PER2: variants seen among roughly 807,000 people sequenced by gnomAD.
PER2 encodes the protein period circadian regulator 2, also known as period circadian protein homolog 2.
In PER2, 66 loss-of-function variants were observed where a neutral mutation model predicts 121.0. The observed-to-expected ratio is 0.55, with a 90% CI of 0.45 to 0.67. The LOEUF (loss-of-function observed/expected upper bound fraction) is 0.67. Ranked by LOEUF, PER2 falls within the 30% of genes least tolerant of loss-of-function variation. The pLI, the probability that PER2 is intolerant of heterozygous loss-of-function variation, is 0.00. For missense variants in PER2, 1,521 were observed against 1,635.0 expected (o/e 0.93, Z 1.20); for synonymous variants, 684 against 659.9 (o/e 1.04, Z -0.56).
At chr2:238,293,678 T>C (rs1209960950), upstream of PER2, among the ~76,000 whole-genome samples, 2 of 147,882 alleles carry the variant, frequency 1.4e-5, no homozygotes, top group Non-Finnish European at 3.0e-5. Flanking sequence ...GAGGCTGCAG[T>C]GAGCCAAGAT....
intron 22 of PER2, among the ~76,000 whole-genome samples, chr2:238,247,048 G>A (rs1259418979): frequency 6.6e-6 from 1 of 152,190 alleles, no homozygotes; most frequent in Non-Finnish European, 1.5e-5. Context: ...GGACATCTGT[G>A]ATTTTCAACT....
intron 5 of PER2, among the ~76,000 whole-genome samples, chr2:238,272,629 G>T (rs890986955): frequency 3.3e-5 from 5 of 152,356 alleles, no homozygotes; most frequent in Middle Eastern, 3.4e-3. Flanking sequence ...TGTGTATGTG[G>T]CCCATGTGCC....
chr2:238,297,573 G>GAAGAT, the PER2 span, among the ~76,000 whole-genome samples: 2 of 152,226 alleles, frequency 1.3e-5, no homozygotes, highest in African/African-American at 4.8e-5. Flanking sequence ...CAAACCACAG[G>GAAGAT]AAGATGAGGA....
intron 21 of PER2, among the ~76,000 whole-genome samples, chr2:238,250,092 G>A (rs1431420482): frequency 6.6e-6 from 1 of 152,246 alleles, no homozygotes; most frequent in Non-Finnish European, 1.5e-5. Context: ...GCAGCCTGAT[G>A]TGGACACAGA....
At chr2:238,275,631 T>G in intron 4 of PER2, 112 bp downstream of exon 4, 126 of 1,178,560 alleles carry the variant, frequency 1.1e-4, no homozygotes, top group Middle Eastern at 2.8e-4. Flanking sequence ...AAGGCTGCAG[T>G]GAGCTGCGAT....
At chr2:238,251,274 C>T (rs557814723) in intron 20 of PER2, among the ~76,000 whole-genome samples, 1 of 152,272 alleles carries the variant, frequency 6.6e-6, no homozygotes, top group South Asian at 2.1e-4. Flanking sequence ...TGCTCCATAC[C>T]CTCAGTTCAC....
intron 14 of PER2, among the ~76,000 whole-genome samples, chr2:238,259,428 A>G (rs1695859375): frequency 6.6e-6 from 1 of 152,188 alleles, no homozygotes; most frequent in Admixed American, 6.5e-5. Context: ...CTGCCTGGGA[A>G]GTGTGGCGCT....
chr2:238,282,730 C>A (rs1696667686), intron 1 of PER2, among the ~76,000 whole-genome samples: 1 of 151,990 alleles, frequency 6.6e-6, no homozygotes, highest in African/African-American at 2.4e-5. Flanking sequence ...ATCTTTCCTG[C>A]CCTCAGGGAG....
upstream of PER2, chr2:238,289,740 G>C (rs1186064091): frequency 6.6e-6 from 1 of 152,274 alleles, no homozygotes. Flanking sequence ...AGACGCAGGA[G>C]CCAGGGGTAG....
At chr2:238,270,159 C>T (rs1404231571) in intron 6 of PER2, among the ~76,000 whole-genome samples, 1 of 152,248 alleles carries the variant, frequency 6.6e-6, no homozygotes, top group African/African-American at 2.4e-5. Flanking sequence ...GGTAGGTGTG[C>T]AGAGGCCTGG....
chr2:238,278,299 G>A (rs577019571), intron 1 of PER2, among the ~76,000 whole-genome samples: 1 of 152,180 alleles, frequency 6.6e-6, no homozygotes, highest in African/African-American at 2.4e-5. Context: ...TCGAACTCCT[G>A]AAGTCAAGCG....
intron 22 of PER2, among the ~76,000 whole-genome samples, 188 bp from the exon 23 acceptor site, chr2:238,246,712 T>C (rs1695461830): frequency 6.6e-6 from 1 of 152,154 alleles, no homozygotes; most frequent in Non-Finnish European, 1.5e-5. Flanking sequence ...CCATCTCTAC[T>C]AATAATACAA....
intron 22 of PER2, among the ~76,000 whole-genome samples, chr2:238,246,941 G>C (rs1015221459): frequency 1.3e-5 from 2 of 152,144 alleles, no homozygotes; most frequent in African/African-American, 2.4e-5. Flanking sequence ...GGAGGTGGCT[G>C]GCAGCAAAGG....
intron 1 of PER2, among the ~76,000 whole-genome samples, chr2:238,283,173 C>G (rs1696681262): frequency 6.6e-6 from 1 of 152,252 alleles, no homozygotes; most frequent in Admixed American, 6.5e-5. Context: ...AAAATGCCCC[C>G]TCCCTCTCTC....
At chr2:238,286,039 A>T (rs1460692182) in intron 1 of PER2, among the ~76,000 whole-genome samples, 1 of 152,102 alleles carries the variant, frequency 6.6e-6, no homozygotes, top group African/African-American at 2.4e-5. Flanking sequence ...AAGGAGGTGC[A>T]CCGGGGAGGC....
Position 238,268,221 on chromosome 2 carries a change from A to C in PER2, c.825-23T>G. On this transcript the variant is annotated intron_variant, in intron 7 of 22. Coordinates refer to ENST00000254657, the MANE Select transcript of PER2 (RefSeq NM_022817.3). This position sits in a 1 kb window ranked among gnomAD's most constrained non-coding sequence, Gnocchi z 4.0. ...ACACTGCGGAGAAGAGCCACGCTCTAAGTTGGGAACTGTGACACAGGAACA... is the reference window on the plus strand; with the variant it reads ...ACACTGCGGAGAAGAGCCACGCTCTCAGTTGGGAACTGTGACACAGGAACA... The C allele has an allele frequency of 6.2e-7, 1 of 1,612,622 alleles. No homozygotes were observed. The highest frequency in any genetic ancestry group is 8.5e-7 in the Non-Finnish European group (1 of 1,179,548).
rs191616856 is a variant in PER2 at position 238,279,639 on chromosome 2, C to T, written c.-19-1684G>A. 3.3e-5 allele frequency among the ~76,000 whole-genome samples: 5 copies of T among 152,306 alleles called. No individual in the cohort carries two copies. In the East Asian group the frequency reaches 7.7e-4, roughly 24 times the overall value. On this transcript the variant is annotated intron_variant, in intron 1 of 22. Coordinates refer to ENST00000254657, the MANE Select transcript of PER2 (RefSeq NM_022817.3). ...AAGGGAGAGAAGGGTTTCTGGATTC[C>T]ACACCCCAAATCTTGTGAAACATCT...
rs1695899423 is a variant in PER2 at position 238,260,704 on chromosome 2, G to A, written c.1542+124C>T. On this transcript the variant is annotated intron_variant, in intron 13 of 22. Coordinates refer to ENST00000254657, the MANE Select transcript of PER2 (RefSeq NM_022817.3). ...TCCCAAGTGGACAAAGTTTAGAAAG[G>A]AAGCAGCAACAGCTGCAATCAGGAA... 4 of 1,056,818 alleles carry A rather than the reference G, an allele frequency of 3.8e-6. No individual in the cohort carries two copies. In the South Asian group the frequency reaches 5.2e-5, roughly 14 times the overall value. The allele number at this position is 1,056,818 out of a possible 1,614,324, so 65.5% of individuals were successfully genotyped here.
chr2:238,290,740 A>G (rs1326373867), upstream of PER2, among the ~76,000 whole-genome samples: 1 of 152,156 alleles, frequency 6.6e-6, no homozygotes, highest in African/African-American at 2.4e-5. Context: ...GGGGCATGCA[A>G]AAATACATCT....
Sources: allele counts gnomAD v4.1 joint callset (sites outside exome capture counted in the v4.1 genomes callset), GRCh38; gene constraint gnomAD v4.1.1; non-coding constraint Gnocchi (gnomAD v3.1); transcripts MANE v1.5; gene names NCBI Gene and HGNC (gene_info 2026-07-23, HGNC 2026-07-21).